The following KSR2 variants were observed in gnomAD, a reference collection of about 807,000 sequenced individuals.
KSR2 encodes kinase suppressor of ras 2.
Under a neutral mutation model 107.8 loss-of-function variants are expected in KSR2, and 25 were observed. The ratio of observed to expected loss-of-function variants is 0.23; its 90% confidence interval spans 0.17 to 0.32. The LOEUF is 0.32. Among genes scored for constraint, KSR2 ranks in the 10% least tolerant of loss-of-function variants. The pLI, the probability that KSR2 is intolerant of heterozygous loss-of-function variation, is 1.00. For synonymous variants in KSR2, 480 were observed against 507.0 expected (o/e 0.95, Z 0.71); for missense variants, 887 against 1,268.9 (o/e 0.70, Z 4.57).
intron 4 of KSR2, among the ~76,000 whole-genome samples, chr12:117,732,070 G>A (rs1415557291): frequency 2.6e-5 from 4 of 151,738 alleles, no homozygotes; most frequent in South Asian, 2.1e-4. Flanking sequence ...CAAAGCTGGT[G>A]TCAAGCTCAG....
intron 5 of KSR2, among the ~76,000 whole-genome samples, chr12:117,589,733 G>C (rs1244899420): frequency 6.6e-6 from 1 of 152,164 alleles, no homozygotes; most frequent in African/African-American, 2.4e-5. Flanking sequence ...AACTCTATTT[G>C]CTTTAATATC....
chr12:117,516,090 G>T (rs138026231), intron 14 of KSR2, among the ~76,000 whole-genome samples: 1 of 151,912 alleles, frequency 6.6e-6, no homozygotes, highest in Admixed American at 6.6e-5. Flanking sequence ...CATCTCAACC[G>T]GGCCACAATG....
At chr12:117,692,703 A>G (rs1446468237) in intron 4 of KSR2, among the ~76,000 whole-genome samples, 3 of 152,068 alleles carry the variant, frequency 2.0e-5, no homozygotes, top group African/African-American at 7.2e-5. Flanking sequence ...TATCCACACA[A>G]TGGAATATTA....
intron 1 of KSR2, among the ~76,000 whole-genome samples, chr12:117,924,004 G>A (rs1363178892): frequency 4.0e-5 from 6 of 150,312 alleles, no homozygotes; most frequent in African/African-American, 1.5e-4. Flanking sequence ...TCAGCCTCCC[G>A]AGTAGCTGGG....
intron 1 of KSR2, among the ~76,000 whole-genome samples, chr12:117,940,289 T>C (rs1895970209): frequency 6.6e-6 from 1 of 152,222 alleles, no homozygotes; most frequent in Non-Finnish European, 1.5e-5. Flanking sequence ...GTTGAATTTC[T>C]AGGTAACTTT....
intron 4 of KSR2, among the ~76,000 whole-genome samples, chr12:117,725,102 A>G (rs537308809): frequency 6.6e-6 from 1 of 152,138 alleles, no homozygotes; most frequent in South Asian, 2.1e-4. Flanking sequence ...ACACACACAC[A>G]CACACACACA....
In KSR2 at chr12:117,740,753, A is replaced by T. The variant is rs897173543; in HGVS notation, c.986+20258T>A. On this transcript the variant is annotated intron_variant, in intron 4 of 19. Transcript: ENST00000339824. Reference sequence around the variant, plus strand: ...TTTGGGCTGGTTCCATATTTTTGCAATTGCAAATTGTGCTGCTATAAACAT... The same window carrying T: ...TTTGGGCTGGTTCCATATTTTTGCATTTGCAAATTGTGCTGCTATAAACAT... 9.3e-5 allele frequency among the ~76,000 whole-genome samples: 14 copies of T among 151,152 alleles called. 1 individual carries two copies. The Admixed American group carries it at 9.3e-4, about 10-fold the overall frequency.
intron 3 of KSR2, among the ~76,000 whole-genome samples, chr12:117,772,728 A>G (rs1889549479): frequency 6.6e-6 from 1 of 151,604 alleles, no homozygotes; most frequent in African/African-American, 2.4e-5. Context: ...ACACTCACAC[A>G]TACACACCAT....
intron 1 of KSR2, among the ~76,000 whole-genome samples, chr12:117,878,720 G>A (rs968164280): frequency 3.3e-5 from 5 of 152,152 alleles, no homozygotes; most frequent in African/African-American, 1.2e-4. Context: ...CGAGGTAAGA[G>A]CAGATGAATC....
intron 1 of KSR2, among the ~76,000 whole-genome samples, chr12:117,871,234 T>C (rs1893641137): frequency 6.6e-6 from 1 of 152,314 alleles, no homozygotes; most frequent in Admixed American, 6.5e-5. Flanking sequence ...GTCATCAAGC[T>C]ACTAAGCGGA....
intron 14 of KSR2, among the ~76,000 whole-genome samples, chr12:117,514,884 T>C (rs781235050): frequency 1.1e-4 from 17 of 152,030 alleles, no homozygotes; most frequent in Non-Finnish European, 1.8e-4. Context: ...CTACTCCCCG[T>C]ATATATCCTC....
chr12:117,626,463 C>T (rs1348165673), intron 5 of KSR2, among the ~76,000 whole-genome samples: 1 of 152,166 alleles, frequency 6.6e-6, no homozygotes, highest in African/African-American at 2.4e-5. Context: ...TTGTTATCTA[C>T]CCAGTAGTCA....
intron 4 of KSR2, among the ~76,000 whole-genome samples, chr12:117,683,146 G>A (rs1319925325): frequency 6.6e-6 from 1 of 152,108 alleles, no homozygotes; most frequent in East Asian, 1.9e-4. Flanking sequence ...TTTGAATTTA[G>A]TAACAGAAGC....
chr12:117,611,927 G>A (rs904341296), intron 5 of KSR2, among the ~76,000 whole-genome samples: 15 of 152,162 alleles, frequency 9.9e-5, no homozygotes, highest in African/African-American at 3.4e-4. Context: ...AATTCATAGA[G>A]ACAGAAAGTC....
At chr12:117,898,277 C>G (rs1344742664) in intron 1 of KSR2, among the ~76,000 whole-genome samples, 1 of 152,056 alleles carries the variant, frequency 6.6e-6, no homozygotes, top group African/African-American at 2.4e-5. Flanking sequence ...ATTTTGTCTT[C>G]CACTTTCTTT....
intron 1 of KSR2, among the ~76,000 whole-genome samples, chr12:117,956,688 A>T (rs1355965510): frequency 1.3e-5 from 2 of 152,034 alleles, no homozygotes; most frequent in Non-Finnish European, 2.9e-5. Flanking sequence ...GCACTTTGGG[A>T]GGCCAAGGCA....
chr12:117,912,630 C>T (rs1895050420), intron 1 of KSR2, among the ~76,000 whole-genome samples: 2 of 152,272 alleles, frequency 1.3e-5, no homozygotes, highest in East Asian at 1.9e-4. Context: ...GTCCTCAATA[C>T]CAAAAATGTT....
chr12:117,928,754 G>A (rs1007176323), intron 1 of KSR2, among the ~76,000 whole-genome samples: 1 of 152,116 alleles, frequency 6.6e-6, no homozygotes, highest in African/African-American at 2.4e-5. Context: ...TATATTTAGT[G>A]GAAACCAATA....
chr12:117,700,383 C>T (rs1404288935), intron 4 of KSR2, among the ~76,000 whole-genome samples: 1 of 152,166 alleles, frequency 6.6e-6, no homozygotes, highest in Non-Finnish European at 1.5e-5. Flanking sequence ...TCAGCCTCAC[C>T]TACGCATTCC....
Sources: allele counts gnomAD v4.1 joint callset (sites outside exome capture counted in the v4.1 genomes callset), GRCh38; gene constraint gnomAD v4.1.1; transcripts MANE v1.5; gene names NCBI Gene and HGNC (gene_info 2026-07-23, HGNC 2026-07-21).